MRRF: variants seen among roughly 807,000 people sequenced by gnomAD.
MRRF encodes the protein mitochondrial ribosome recycling factor, also known as ribosome-recycling factor, mitochondrial.
MRRF carries 18 observed loss-of-function variants against 25.1 expected under a neutral mutation model. The observed-to-expected ratio is 0.72, with a 90% CI of 0.50 to 1.06. The LOEUF is 1.06. Ranked by LOEUF, MRRF falls within the 50% of genes least tolerant of loss-of-function variation. The probability of loss-of-function intolerance (pLI) is 0.00; values close to 1 mark genes in which losing one functional copy is unlikely to be tolerated. For missense variants in MRRF, 323 were observed against 319.3 expected (o/e 1.01, Z -0.09); for synonymous variants, 113 against 112.1 (o/e 1.01, Z -0.05).
chr9:122,284,261 C>G (rs546406176), intron 3 of MRRF, among the ~76,000 whole-genome samples: 30 of 152,042 alleles, frequency 2.0e-4, no homozygotes, highest in African/African-American at 7.2e-4. Flanking sequence ...GGGAAAGAGC[C>G]TTGACTGAAA....
At chr9:122,271,415 T>C (rs1317843386) in intron 2 of MRRF, among the ~76,000 whole-genome samples, 2 of 152,238 alleles carry the variant, frequency 1.3e-5, no homozygotes, top group African/African-American at 4.8e-5. Flanking sequence ...TATAGGAAGA[T>C]GCATGTTGGA....
chr9:122,309,024 A>G (rs2118937908), intron 5 of MRRF, among the ~76,000 whole-genome samples: 1 of 152,298 alleles, frequency 6.6e-6, no homozygotes, highest in South Asian at 2.1e-4. Context: ...CTCTGTACCT[A>G]TTAAACAACT....
chr9:122,265,805 C>T (rs1461846415), intron 1 of MRRF: 1 of 1,270,340 alleles, frequency 7.9e-7, no homozygotes, highest in Admixed American at 2.3e-5. Context: ...ATCCAGATCT[C>T]TTAACTCTTA....
intron 3 of MRRF, among the ~76,000 whole-genome samples, chr9:122,283,726 T>A (rs1032661266): frequency 2.6e-5 from 4 of 152,210 alleles, no homozygotes; most frequent in African/African-American, 7.2e-5. Flanking sequence ...ATTTCCCCCC[T>A]TTTCTCTTTG....
chr9:122,287,099 C>T (rs144657247), intron 4 of MRRF, among the ~76,000 whole-genome samples: 2 of 152,224 alleles, frequency 1.3e-5, no homozygotes, highest in South Asian at 4.1e-4. Flanking sequence ...CTTAAGGAAG[C>T]CTTTCCTGAC....
At chr9:122,312,374 G>A (rs781265087) in intron 5 of MRRF, among the ~76,000 whole-genome samples, 18 of 152,176 alleles carry the variant, frequency 1.2e-4, no homozygotes, top group Non-Finnish European at 2.2e-4. Context: ...AAGGATTTAC[G>A]TAAATACAAC....
intron 1 of MRRF, chr9:122,265,696 C>T: frequency 8.5e-7 from 1 of 1,179,752 alleles, no homozygotes; most frequent in Non-Finnish European, 1.1e-6. Context: ...TGGTACAAGT[C>T]ACAAGTCAGT....
intron 5 of MRRF, 128 bp downstream of exon 5, chr9:122,291,968 C>G: frequency 1.3e-6 from 1 of 758,930 alleles, no homozygotes; most frequent in South Asian, 1.4e-5. Context: ...CCCTGGCAAA[C>G]ATCTTTTGAG....
At chr9:122,303,617 C>A (rs1834617255) in intron 5 of MRRF, among the ~76,000 whole-genome samples, 1 of 152,136 alleles carries the variant, frequency 6.6e-6, no homozygotes, top group South Asian at 2.1e-4. Flanking sequence ...TGGGCTCAAG[C>A]AATCCTCACC....
chr9:122,268,630 G>C (rs530162277), intron 1 of MRRF, among the ~76,000 whole-genome samples: 1 of 152,278 alleles, frequency 6.6e-6, no homozygotes, highest in African/African-American at 2.4e-5. Flanking sequence ...ATTATTATAC[G>C]TTCTTTGTGG....
intron 6 of MRRF, among the ~76,000 whole-genome samples, chr9:122,318,962 G>T (rs1361583196): frequency 6.6e-6 from 1 of 151,952 alleles, no homozygotes; most frequent in Non-Finnish European, 1.5e-5. Flanking sequence ...CTTCTCCCCA[G>T]TGTTGTGACT....
At chr9:122,268,364 ACC>A (rs1213066107) in intron 1 of MRRF, among the ~76,000 whole-genome samples, 1 of 152,164 alleles carries the variant, frequency 6.6e-6, no homozygotes, top group African/African-American at 2.4e-5. Context: ...ATACCAGGAA[ACC>A]TGTCTTAAAT....
intron 5 of MRRF, among the ~76,000 whole-genome samples, chr9:122,308,615 C>T (rs1835010867): frequency 1.4e-5 from 2 of 147,278 alleles, no homozygotes; most frequent in South Asian, 4.2e-4. Flanking sequence ...AGGAGAATCG[C>T]TTGAACCCAG....
chr9:122,325,699 A>G lies in MRRF; in HGVS notation c.*3082A>G, dbSNP rs1836118030. On this transcript the variant is annotated 3_prime_UTR_variant, in exon 7 of 7. Coordinates refer to ENST00000344641, the MANE Select transcript of MRRF (RefSeq NM_138777.5). ...GTGTGTGTGTGTTGGAAATTACAAAATAAGTTGGAATGCAGAAAGTTAAAA... is the reference window on the plus strand; with the variant it reads ...GTGTGTGTGTGTTGGAAATTACAAAGTAAGTTGGAATGCAGAAAGTTAAAA... 1 of 141,164 alleles carries G rather than the reference A, an allele frequency of 7.1e-6. No individual in the cohort carries two copies. The highest frequency in any genetic ancestry group is 7.2e-5 in the Admixed American group (1 of 13,980). 8.7% of individuals were successfully genotyped at this position (141,164 alleles called of 1,614,324 possible).
intron 6 of MRRF, among the ~76,000 whole-genome samples, chr9:122,316,720 TC>T (rs1290217176): frequency 1.3e-5 from 2 of 151,854 alleles, no homozygotes; most frequent in African/African-American, 4.8e-5. Flanking sequence ...TTCCTTATTA[TC>T]AAAGTAATAT....
rs531826744 is a variant in MRRF, at chr9:122,296,098, T to A, written c.551+4258T>A. ...AGTGGTCCTTATCATCAAGACCTCTTTTTACAGCCTCTGAGACTCAGCTCT... is the reference window on the plus strand; with the variant it reads ...AGTGGTCCTTATCATCAAGACCTCTATTTACAGCCTCTGAGACTCAGCTCT... On this transcript the variant is annotated intron_variant, in intron 5 of 6. Coordinates refer to ENST00000344641, the MANE Select transcript of MRRF (RefSeq NM_138777.5). Among the ~76,000 whole-genome samples the A allele has an allele frequency of 3.9e-5, 6 of 152,250 alleles. No individual in the cohort carries two copies. The East Asian group carries it at 1.2e-3, about 29-fold the overall frequency.
chr9:122,315,239 G>GCTCCTGGGCTCAAGCAGTC (rs1835441691), intron 6 of MRRF, among the ~76,000 whole-genome samples: 2 of 151,984 alleles, frequency 1.3e-5, no homozygotes, highest in African/African-American at 4.8e-5. Context: ...CTGGTCTTGG[G>GCTCCTGGGCTCAAGCAGTC]CTCCTGGGCT....
intron 1 of MRRF, chr9:122,265,816 G>C: frequency 8.1e-7 from 1 of 1,230,618 alleles, no homozygotes; most frequent in Non-Finnish European, 1.1e-6. Flanking sequence ...TTAACTCTTA[G>C]GCAAAAGCCC....
At chr9:122,322,009 G>C (rs1835918729) in intron 6 of MRRF, among the ~76,000 whole-genome samples, 7 of 152,090 alleles carry the variant, frequency 4.6e-5, no homozygotes, top group Admixed American at 4.6e-4. Context: ...TTTCCTATCT[G>C]CAAAATGGGG....
Sources: allele counts gnomAD v4.1 joint callset (sites outside exome capture counted in the v4.1 genomes callset), GRCh38; gene constraint gnomAD v4.1.1; transcripts MANE v1.5; gene names NCBI Gene and HGNC (gene_info 2026-07-23, HGNC 2026-07-21).